The following NAALADL2 variants were observed in gnomAD, a reference collection of about 807,000 sequenced individuals.
NAALADL2 encodes N-acetylated alpha-linked acidic dipeptidase like 2, also known as inactive N-acetylated-alpha-linked acidic dipeptidase-like protein 2.
A neutral mutation model predicts 87.2 loss-of-function variants in NAALADL2; 76 were observed. The observed-to-expected ratio is 0.87, with a 90% CI of 0.72 to 1.05. NAALADL2 has a LOEUF of 1.05. NAALADL2 is among the 50% of genes least tolerant of loss of function. The pLI is 0.00. For synonymous variants in NAALADL2, 354 were observed against 331.0 expected, an observed-to-expected ratio of 1.07 and a Z score of -0.75; for missense variants, 1,089 against 945.8, an observed-to-expected ratio of 1.15 and a Z score of -1.99.
intron 4 of NAALADL2, among the ~76,000 whole-genome samples, chr3:175,295,851 G>A (rs145990136): frequency 3.5e-4 from 53 of 151,898 alleles, no homozygotes; most frequent in African/African-American, 1.3e-3. Context: ...GACCTGTCCA[G>A]CCTTATCATT....
At chr3:175,486,413 T>C (rs1389208791) in intron 9 of NAALADL2, among the ~76,000 whole-genome samples, 1 of 152,150 alleles carries the variant, frequency 6.6e-6, no homozygotes, top group Non-Finnish European at 1.5e-5. Context: ...GAAGCTCGTC[T>C]CTTAGTGACT....
intron 1 of NAALADL2, among the ~76,000 whole-genome samples, chr3:174,494,107 A>C (rs1718372282): frequency 6.6e-6 from 1 of 152,116 alleles, no homozygotes; most frequent in South Asian, 2.1e-4. Context: ...ATTTAAGGGA[A>C]TAATAAAATC....
At chr3:174,656,658 T>C (rs1258787704) in intron 2 of NAALADL2, among the ~76,000 whole-genome samples, 1 of 152,204 alleles carries the variant, frequency 6.6e-6, no homozygotes, top group African/African-American at 2.4e-5. Context: ...CAGGTCAATA[T>C]GGTCTTTGCT....
At chr3:174,733,672 A>G (rs1242502891) in intron 2 of NAALADL2, among the ~76,000 whole-genome samples, 2 of 152,228 alleles carry the variant, frequency 1.3e-5, no homozygotes, top group Non-Finnish European at 2.9e-5. Flanking sequence ...CCACGCAGAA[A>G]GTCAATTACT....
intron 2 of NAALADL2, among the ~76,000 whole-genome samples, chr3:174,683,075 T>C (rs185022589): frequency 5.3e-5 from 8 of 152,210 alleles, no homozygotes; most frequent in Non-Finnish European, 1.0e-4. Context: ...ATGGAAATAA[T>C]TTAAAAGAAT....
At chr3:175,049,739 C>T (rs1209385918) in intron 1 of NAALADL2, among the ~76,000 whole-genome samples, 1 of 152,190 alleles carries the variant, frequency 6.6e-6, no homozygotes, top group Non-Finnish European at 1.5e-5. Context: ...AATTCTGTCA[C>T]ATAACCTCCC....
At chr3:174,830,212 A>G (rs1722506371) in intron 3 of NAALADL2, among the ~76,000 whole-genome samples, 1 of 140,962 alleles carries the variant, frequency 7.1e-6, no homozygotes, top group African/African-American at 2.7e-5. Context: ...CCTGAATGGT[A>G]ATGCCTAGGT....
rs149054308 is a variant in NAALADL2 at position 175,594,402 on chromosome 3, G to A, written c.1800+18215G>A. Among the ~76,000 whole-genome samples the A allele has an allele frequency of 3.5e-4, 53 of 152,002 alleles. 1 individual carries two copies. Among genetic ancestry groups the A allele is most frequent in the African/African-American group, 9.2e-4 (38 of 41,456 alleles). On this transcript the variant is annotated intron_variant, in intron 10 of 13. Coordinates refer to ENST00000454872, the MANE Select transcript of NAALADL2 (RefSeq NM_207015.3). The stretch of plus-strand genomic sequence containing the variant: ...TTTTCTATTCAGTCCACTACTGATC[G>A]GTACCTAGGTTAATTCCATGCCTTT...
chr3:174,667,294 A>C (rs1286831374), intron 2 of NAALADL2, among the ~76,000 whole-genome samples: 4 of 152,104 alleles, frequency 2.6e-5, no homozygotes. Context: ...GGTATAAAGA[A>C]AGGGACTTTT....
chr3:174,838,021 G>GAAAAAAAAAAAAAAAAAAAAA (rs77681462), intron 3 of NAALADL2, among the ~76,000 whole-genome samples: 18 of 71,910 alleles, frequency 2.5e-4, no homozygotes, highest in African/African-American at 4.3e-4. Context: ...AACCAAAAAA[G>GAAAAAAAAAAAAAAAAAAAAA]AAAAAAAAAA....
chr3:174,491,639 A>G (rs141739284), intron 1 of NAALADL2, among the ~76,000 whole-genome samples: 66 of 152,282 alleles, frequency 4.3e-4, no homozygotes, highest in African/African-American at 1.5e-3. Context: ...GGAATTCGTT[A>G]TGTCTTAAAT....
chr3:174,724,648 G>T (rs1732018791), intron 2 of NAALADL2, among the ~76,000 whole-genome samples: 1 of 151,972 alleles, frequency 6.6e-6, no homozygotes, highest in Non-Finnish European at 1.5e-5. Context: ...TTTATTTATT[G>T]CATATAGTAA....
intron 3 of NAALADL2, among the ~76,000 whole-genome samples, chr3:174,787,066 G>A (rs996463853): frequency 2.0e-5 from 3 of 151,254 alleles, no homozygotes; most frequent in Non-Finnish European, 2.9e-5. Context: ...TATATTTATT[G>A]CAATATAATA....
rs375179973 is a variant in NAALADL2 at position 175,113,411 on chromosome 3, G to A, written c.545+16120G>A. ...TTTTAGATTTTAATCAAAATCTCCT[G>A]CCCAATTTTGATTAAAACTAAAATT... is the stretch of plus-strand genomic sequence containing the variant. On this transcript the variant is annotated intron_variant, in intron 2 of 13. Coordinates refer to ENST00000454872, the MANE Select transcript of NAALADL2 (RefSeq NM_207015.3). 2.0e-4 allele frequency among the ~76,000 whole-genome samples: 31 copies of A among 151,594 alleles called. No homozygotes were observed. In the South Asian group the frequency reaches 6.2e-3, roughly 30 times the overall value.
chr3:175,360,267 T>C (rs1279687222), intron 5 of NAALADL2, among the ~76,000 whole-genome samples: 1 of 152,154 alleles, frequency 6.6e-6, no homozygotes, highest in African/African-American at 2.4e-5. Flanking sequence ...TCTACTTGTT[T>C]AGTTTTCAAG....
chr3:174,933,495 T>C (rs1432789390), intron 1 of NAALADL2, among the ~76,000 whole-genome samples: 1 of 152,214 alleles, frequency 6.6e-6, no homozygotes, highest in African/African-American at 2.4e-5. Context: ...GTTCTGACAC[T>C]TAGTTAATTT....
At chr3:174,982,164 G>GTTCTTATTTTTTGAACACA (rs1475760502) in intron 1 of NAALADL2, among the ~76,000 whole-genome samples, 1 of 152,096 alleles carries the variant, frequency 6.6e-6, no homozygotes, top group Non-Finnish European at 1.5e-5. Flanking sequence ...GGACAAATGT[G>GTTCTTATTTTTTGAACACA]TTTGAAGGAG....
At chr3:175,581,173 G>A (rs1194110087) in intron 10 of NAALADL2, 4 of 381,532 alleles carry the variant, frequency 1.0e-5, no homozygotes, top group Non-Finnish European at 2.2e-5. Flanking sequence ...CGGACGCGGT[G>A]GCTCATGCCT....
rs1741220588 is a variant in NAALADL2 at position 174,956,858 on chromosome 3, A to T, written c.43+97408A>T. ...TAGTTTCTAATGAGGATTACAAAGG[A>T]GAAACAGAACAGTATTTTGCAGAAA... On this transcript the variant is annotated intron_variant, in intron 1 of 13. Transcript: ENST00000454872. 2.0e-5 allele frequency among the ~76,000 whole-genome samples: 3 copies of T among 152,182 alleles called. No homozygotes were observed. In the South Asian group the frequency reaches 6.2e-4, roughly 31 times the overall value.
Sources: gnomAD v4.1 joint callset for allele counts (sites outside exome capture counted in the v4.1 genomes callset) on GRCh38, gnomAD v4.1.1 for gene constraint, MANE v1.5 for transcripts, NCBI Gene and HGNC (gene_info 2026-07-23, HGNC 2026-07-21) for gene names.